Variants in OVAAL observed in about 807,000 individuals in gnomAD.
OVAAL encodes the protein ovarian adenocarcinoma amplified long non-coding RNA, also known as long intergenic non-protein coding RNA 1131.
intron 1 of OVAAL, among the ~76,000 whole-genome samples, chr1:180,559,572 GC>G (rs1306041242): frequency 6.6e-6 from 1 of 152,120 alleles, no homozygotes; most frequent in African/African-American, 2.4e-5. Flanking sequence ...GGGAAACAGA[GC>G]ATAAAAGTTC....
At chr1:180,565,812 A>G (rs1316071677) in exon 3 of OVAAL, 1 of 152,186 alleles carries the variant, frequency 6.6e-6, no homozygotes, top group Non-Finnish European at 1.5e-5. Context: ...CTAGCCACAA[A>G]TAATAAAAAT....
intron 2 of OVAAL, among the ~76,000 whole-genome samples, chr1:180,564,083 G>A (rs1653255326): frequency 6.6e-6 from 1 of 151,988 alleles, no homozygotes; most frequent in East Asian, 1.9e-4. Flanking sequence ...AGTGAAGGGG[G>A]GCACTATTAG....
chr1:180,566,085 C>T (rs1218201825), exon 3 of OVAAL: 1 of 152,210 alleles, frequency 6.6e-6, no homozygotes, highest in Non-Finnish European at 1.5e-5. Context: ...CAGCTGTTTA[C>T]ACAGCAGCTA....
At chr1:180,563,472 T>G (rs1161878976) in intron 2 of OVAAL, among the ~76,000 whole-genome samples, 1 of 152,124 alleles carries the variant, frequency 6.6e-6, no homozygotes, top group Non-Finnish European at 1.5e-5. Flanking sequence ...AGTGAAAGTT[T>G]ATTAAAAAGC....
intron 2 of OVAAL, among the ~76,000 whole-genome samples, chr1:180,563,036 C>A (rs2102145644): frequency 6.6e-6 from 1 of 152,296 alleles, no homozygotes; most frequent in African/African-American, 2.4e-5. Context: ...CCTTCGTTTT[C>A]AGTTCTGGTG....
At chr1:180,560,907 T>A (rs141783017) in intron 1 of OVAAL, among the ~76,000 whole-genome samples, 196 of 152,366 alleles carry the variant, frequency 1.3e-3, no homozygotes, top group African/African-American at 4.5e-3. Flanking sequence ...GAATTCAACT[T>A]GTTCTAGGAA....
chr1:180,565,972 C>T (rs1653282354), exon 3 of OVAAL: 1 of 152,182 alleles, frequency 6.6e-6, no homozygotes, highest in Non-Finnish European at 1.5e-5. Flanking sequence ...GCATTTCACC[C>T]AGCCAATAAT....
rs369850433 is a variant in OVAAL at position 180,564,380 on chromosome 1, C to T, written n.514-871C>T. On this transcript the variant is annotated intron_variant and non_coding_transcript_variant, in intron 2 of 2. Coordinates refer to ENST00000673955, the Ensembl canonical transcript of OVAAL. ...CACGGTTTATTTGAAATTAAAATTTCACTGGGCATTCTGTATTCTTATTTG... is the reference window on the plus strand; with the variant it reads ...CACGGTTTATTTGAAATTAAAATTTTACTGGGCATTCTGTATTCTTATTTG... Among the ~76,000 whole-genome samples, 35 of 152,176 alleles carry T rather than the reference C, an allele frequency of 2.3e-4. No homozygotes were observed. In the East Asian group the frequency reaches 5.4e-3, roughly 24 times the overall value.
intron 1 of OVAAL, among the ~76,000 whole-genome samples, chr1:180,561,190 C>T (rs1557912391): frequency 6.6e-6 from 1 of 152,156 alleles, no homozygotes; most frequent in Non-Finnish European, 1.5e-5. Context: ...TTGTTTTTTA[C>T]CCCAGCATAC....
At chr1:180,565,780 G>A (rs1653280051) in exon 3 of OVAAL, 1 of 152,042 alleles carries the variant, frequency 6.6e-6, no homozygotes, top group Non-Finnish European at 1.5e-5. Context: ...ATGGTCCCTG[G>A]AGCCTATGAA....
chr1:180,563,065 C>T (rs780462888), intron 2 of OVAAL, among the ~76,000 whole-genome samples: 13 of 152,144 alleles, frequency 8.5e-5, no homozygotes, highest in Non-Finnish European at 1.5e-4. Context: ...AGGAGTCTCC[C>T]GCTCCAAGAG....
exon 3 of OVAAL, chr1:180,566,424 G>A (rs1653288486): frequency 6.6e-6 from 1 of 152,170 alleles, no homozygotes; most frequent in African/African-American, 2.4e-5. Flanking sequence ...TTGTACCAAG[G>A]CTAAGATATG....
chr1:180,562,500 G>A (rs757439350), intron 2 of OVAAL, among the ~76,000 whole-genome samples: 12 of 152,170 alleles, frequency 7.9e-5, no homozygotes, highest in African/African-American at 2.9e-4. Flanking sequence ...GATAACAGGT[G>A]TATCTTTTAT....
At chr1:180,562,002 G>T (rs1299325667) in intron 1 of OVAAL, among the ~76,000 whole-genome samples, 1 of 150,120 alleles carries the variant, frequency 6.7e-6, no homozygotes, top group Non-Finnish European at 1.5e-5. Flanking sequence ...CAGCCTGGGC[G>T]AGAAGAGTGA....
intron 2 of OVAAL, among the ~76,000 whole-genome samples, chr1:180,565,005 C>T (rs530863745): frequency 6.6e-6 from 1 of 152,268 alleles, no homozygotes; most frequent in East Asian, 1.9e-4. Context: ...TTTAAATACC[C>T]TCTTTGTAGT....
chr1:180,560,858 A>C (rs71630272), intron 1 of OVAAL, among the ~76,000 whole-genome samples: 2 of 152,238 alleles, frequency 1.3e-5, no homozygotes, highest in Non-Finnish European at 2.9e-5. Flanking sequence ...TTAGAAGTGT[A>C]TAGTTTTTGG....
At chr1:180,562,023 C>CAA (rs111640712) in intron 1 of OVAAL, among the ~76,000 whole-genome samples, 225 of 122,594 alleles carry the variant, frequency 1.8e-3, no homozygotes, top group Non-Finnish European at 3.1e-3. Flanking sequence ...AACTCCATCT[C>CAA]AAAAAAAAAA....
intron 2 of OVAAL, among the ~76,000 whole-genome samples, chr1:180,563,839 T>A (rs1415753981): frequency 6.6e-6 from 1 of 152,154 alleles, no homozygotes; most frequent in Non-Finnish European, 1.5e-5. Flanking sequence ...AAGCTGATGA[T>A]CACCAGTTTC....
exon 2 of OVAAL, chr1:180,562,324 A>G (rs2102145317): frequency 6.6e-6 from 1 of 152,394 alleles, no homozygotes; most frequent in South Asian, 2.1e-4. Context: ...AACTGTGACT[A>G]TATGTGGTAC....
Sources: allele counts gnomAD v4.1 joint callset (sites outside exome capture counted in the v4.1 genomes callset), GRCh38; gene constraint gnomAD v4.1.1; transcripts MANE v1.5; gene names NCBI Gene and HGNC (gene_info 2026-07-23, HGNC 2026-07-21).